Variants in COL18A1 observed in about 807,000 individuals in gnomAD.
COL18A1 encodes collagen alpha-1(XVIII) chain.
COL18A1 carries 133 observed loss-of-function variants against 168.0 expected under a neutral mutation model. The ratio of observed to expected loss-of-function variants is 0.79; its 90% CI spans 0.69 to 0.91. The LOEUF is 0.91. COL18A1 is among the 40% of genes least tolerant of loss of function. COL18A1 has a pLI of 0.00. For synonymous variants in COL18A1, 949 were observed against 809.0 expected (o/e 1.17, Z -2.94); for missense variants, 2,126 against 1,925.4 (o/e 1.10, Z -1.95).
chr21:45,459,206 C>T (rs2034957850), intron 2 of COL18A1, among the ~76,000 whole-genome samples: 1 of 152,204 alleles, frequency 6.6e-6, no homozygotes, highest in South Asian at 2.1e-4. Flanking sequence ...AGCTCCTCCC[C>T]AGCCCAGGCT....
intron 2 of COL18A1, among the ~76,000 whole-genome samples, chr21:45,453,006 T>C (rs2034677822): frequency 6.6e-6 from 1 of 151,450 alleles, no homozygotes; most frequent in Admixed American, 6.6e-5. Context: ...TGAGCCTATA[T>C]GTATGTGTGT....
At chr21:45,482,858 C>T (rs2035948264) in intron 15 of COL18A1, 37 bp downstream of exon 15, 7 of 1,614,090 alleles carry the variant, frequency 4.3e-6, no homozygotes, top group Non-Finnish European at 5.1e-6. Context: ...GTCCCCTGCC[C>T]CTGGTGCCCA....
chr21:45,505,517 C>A (rs545057804), intron 36 of COL18A1, 86 bp downstream of exon 36: 2 of 769,320 alleles, frequency 2.6e-6, no homozygotes, highest in African/African-American at 3.4e-5. Flanking sequence ...CACTCTCCCA[C>A]GGACCCCACA....
intron 13 of COL18A1, 56 bp downstream of exon 13, chr21:45,480,914 T>C (rs1024641243): frequency 2.6e-6 from 4 of 1,560,166 alleles, no homozygotes; most frequent in Non-Finnish European, 3.5e-6. Flanking sequence ...GAGTGAGGGG[T>C]GAACACCCCA....
chr21:45,411,512 C>T (rs1014822404), intron 2 of COL18A1, among the ~76,000 whole-genome samples: 3 of 152,122 alleles, frequency 2.0e-5, no homozygotes, highest in African/African-American at 4.8e-5. Context: ...CAATGAGCCT[C>T]GGACACCCAC....
chr21:45,439,310 C>T (rs1390166363), intron 2 of COL18A1, among the ~76,000 whole-genome samples: 1 of 152,224 alleles, frequency 6.6e-6, no homozygotes, highest in Non-Finnish European at 1.5e-5. Flanking sequence ...GGGCGCAGCG[C>T]GTTCCGTTTC....
chr21:45,465,972 C>T (rs532243690), intron 2 of COL18A1, among the ~76,000 whole-genome samples: 1 of 152,168 alleles, frequency 6.6e-6, no homozygotes, highest in East Asian at 1.9e-4. Context: ...GGTGGAGAGC[C>T]CAGTTTGGGG....
intron 19 of COL18A1, 120 bp downstream of exon 19, chr21:45,489,641 CT>C: frequency 2.9e-6 from 2 of 688,766 alleles, no homozygotes; most frequent in Non-Finnish European, 2.4e-6. Flanking sequence ...TGCTTTGTTT[CT>C]TTATAATTGA....
intron 31 of COL18A1, 88 bp from the exon 32 acceptor site, chr21:45,497,511 G>A: frequency 6.6e-7 from 1 of 1,507,566 alleles, no homozygotes; most frequent in Non-Finnish European, 9.0e-7. Flanking sequence ...CAGGCCCCCA[G>A]GCACTAGGGC....
At position 45,473,861 on chromosome 21, in the gene COL18A1, A is replaced by G; in HGVS notation, c.652-34A>G. 1 of 1,552,414 alleles carries G rather than the reference A, an allele frequency of 6.4e-7. No homozygotes were observed. The highest frequency in any genetic ancestry group is 8.7e-7 in the Non-Finnish European group (1 of 1,143,476). On this transcript the variant is annotated intron_variant, in intron 3 of 41. Coordinates refer to ENST00000651438, the MANE Select transcript of COL18A1 (RefSeq NM_001379500.1). This position sits in a 1 kb window ranked among gnomAD's most constrained non-coding sequence, Gnocchi z 4.0. ...CCGGGGTTGCCACTGCCACCTCAGGACCGCTGGTGACCCCTTTCTCTGTCT... is the reference window on the plus strand; with the variant it reads ...CCGGGGTTGCCACTGCCACCTCAGGGCCGCTGGTGACCCCTTTCTCTGTCT...
intron 6 of COL18A1, 72 bp downstream of exon 6, chr21:45,476,552 TG>T: frequency 6.6e-7 from 1 of 1,520,162 alleles, no homozygotes; most frequent in Non-Finnish European, 8.9e-7. Flanking sequence ...GTTTGTGTGA[TG>T]GTGAGGTATG....
intron 5 of COL18A1, among the ~76,000 whole-genome samples, chr21:45,475,890 T>C (rs1456986405): frequency 6.6e-6 from 1 of 152,242 alleles, no homozygotes; most frequent in Non-Finnish European, 1.5e-5. Context: ...TGTGTGAGCC[T>C]GACGACCAGG....
rs769156194 is a variant in COL18A1 at position 45,456,369 on chromosome 21, C to A, written c.107-11873C>A. ...CTGGGCAAGCACGCGGCCCCCTCCGCCTTCTCCTCTGGGCTCCCGGGCGCA... is the reference window on the plus strand; with the variant it reads ...CTGGGCAAGCACGCGGCCCCCTCCGACTTCTCCTCTGGGCTCCCGGGCGCA... On this transcript the variant is annotated intron_variant, in intron 2 of 41. Coordinates refer to ENST00000651438, the MANE Select transcript of COL18A1 (RefSeq NM_001379500.1). 104 of 1,550,060 alleles carry A rather than the reference C, an allele frequency of 6.7e-5. No individual in the cohort carries two copies. The highest frequency in any genetic ancestry group is 8.7e-5 in the Non-Finnish European group (100 of 1,146,286).
intron 2 of COL18A1, among the ~76,000 whole-genome samples, chr21:45,406,156 C>G (rs1032011229): frequency 6.6e-6 from 1 of 152,240 alleles, no homozygotes; most frequent in African/African-American, 2.4e-5. Context: ...AGTTCCCCAC[C>G]ACCTGCTAAC....
At position 45,493,222 on chromosome 21, in the gene COL18A1, C is replaced by T. The variant is rs1277616522; in HGVS notation, c.2274C>T (p.Pro758=). Residue 758 remains proline, a synonymous_variant, in exon 25 of 42, where the codon CCC becomes CCT. Coordinates refer to ENST00000651438, the MANE Select transcript of COL18A1 (RefSeq NM_001379500.1). ...AGGGCGAACGAGGCTCCCCGGGACCCAAGGTAAGGGGCTCAGGTGCTGTCC... is the reference window on the plus strand; with the variant it reads ...AGGGCGAACGAGGCTCCCCGGGACCTAAGGTAAGGGGCTCAGGTGCTGTCC... ...GSKGERGSPG[P]KGEKGEPGSI... The T allele has an allele frequency of 6.4e-7, 1 of 1,557,830 alleles. No homozygotes were observed. The highest frequency in any genetic ancestry group is 1.4e-5 in the African/African-American group (1 of 73,610).
At chr21:45,491,547 AG>A (rs911423470) in intron 22 of COL18A1, among the ~76,000 whole-genome samples, 1 of 144,916 alleles carries the variant, frequency 6.9e-6, no homozygotes, top group African/African-American at 2.5e-5. Flanking sequence ...GGGCCTGCAC[AG>A]GGGCCAGTGT....
chr21:45,475,331 C>A (rs1335598024), intron 4 of COL18A1, 145 bp from the exon 5 acceptor site: 5 of 757,682 alleles, frequency 6.6e-6, no homozygotes, highest in African/African-American at 5.2e-5. Context: ...CCCAGCGGCC[C>A]CCCGGAGAGC....
intron 2 of COL18A1, among the ~76,000 whole-genome samples, chr21:45,446,283 G>A (rs761397492): frequency 1.3e-5 from 2 of 152,186 alleles, no homozygotes; most frequent in African/African-American, 2.4e-5. Flanking sequence ...GCACCGATGC[G>A]TGTGTCTGTC....
intron 2 of COL18A1, among the ~76,000 whole-genome samples, chr21:45,428,562 C>T (rs554791470): frequency 1.3e-5 from 2 of 152,352 alleles, no homozygotes; most frequent in South Asian, 2.1e-4. Flanking sequence ...GTGCAGCCAT[C>T]ACCACTGCCC....
Sources: gnomAD v4.1 joint callset for allele counts (sites outside exome capture counted in the v4.1 genomes callset) on GRCh38, gnomAD v4.1.1 for gene constraint, Gnocchi (gnomAD v3.1) non-coding constraint, MANE v1.5 for transcripts, NCBI Gene and HGNC (gene_info 2026-07-23, HGNC 2026-07-21) for gene names.